The following ZNF292 variants were observed in gnomAD, a reference collection of about 807,000 sequenced individuals.
ZNF292 encodes zinc finger protein 292, also known as 16 zinc-finger domain protein.
ZNF292 carries 26 observed loss-of-function variants against 217.9 expected under a neutral mutation model. The observed-to-expected ratio is 0.12, with a 90% confidence interval of 0.09 to 0.17. The LOEUF is 0.17. Among genes scored for constraint, ZNF292 ranks in the 10% least tolerant of loss-of-function variants. The probability of loss-of-function intolerance (pLI) is 1.00; values close to 1 mark genes in which losing one functional copy is unlikely to be tolerated. For missense variants in ZNF292, 2,904 were observed against 3,175.2 expected, an observed-to-expected ratio of 0.91 and a Z score of 2.05; for synonymous variants, 1,257 against 1,124.1, an observed-to-expected ratio of 1.12 and a Z score of -2.37.
chr6:87,233,639 C>G, intron 5 of ZNF292, 112 bp downstream of exon 5: 1 of 1,469,556 alleles, frequency 6.8e-7, no homozygotes, highest in Non-Finnish European at 9.0e-7. Flanking sequence ...CATTGTCAAT[C>G]TTACATTTTT....
At chr6:87,246,114 C>G (rs909152497) in intron 7 of ZNF292, among the ~76,000 whole-genome samples, 4 of 152,076 alleles carry the variant, frequency 2.6e-5, no homozygotes, top group Non-Finnish European at 5.9e-5. Flanking sequence ...ACCTGTAATC[C>G]CAGCTACTCA....
chr6:87,209,369 G>T (rs1030170279), intron 1 of ZNF292, among the ~76,000 whole-genome samples: 1 of 152,148 alleles, frequency 6.6e-6, no homozygotes, highest in African/African-American at 2.4e-5. Flanking sequence ...TTTCAGTGAG[G>T]TTTGGGGAGA....
chr6:87,224,559 C>T (rs1397253112), intron 4 of ZNF292, among the ~76,000 whole-genome samples: 1 of 152,066 alleles, frequency 6.6e-6, no homozygotes, highest in East Asian at 1.9e-4. Context: ...TTCAGAATGT[C>T]ACGTAATTAA....
At chr6:87,172,046 ATG>A (rs1468051203) in intron 1 of ZNF292, among the ~76,000 whole-genome samples, 5 of 152,218 alleles carry the variant, frequency 3.3e-5, no homozygotes, top group African/African-American at 1.2e-4. Context: ...GTAACTGTGA[ATG>A]GGCAATCTCT....
chr6:87,174,499 G>A (rs539972984), intron 1 of ZNF292, among the ~76,000 whole-genome samples: 23 of 152,164 alleles, frequency 1.5e-4, no homozygotes, highest in Non-Finnish European at 3.4e-4. Flanking sequence ...GTTGGCAGGG[G>A]TCATGAGGGG....
chr6:87,263,007 AG>A lies in ZNF292; in HGVS notation c.*1207del. On this transcript the variant is annotated 3_prime_UTR_variant, in exon 8 of 8. Coordinates refer to ENST00000369577, the MANE Select transcript of ZNF292 (RefSeq NM_015021.3). ...TTTGATTTTACTGTTTATAGATGTT[AG>A]ATTGTACAGATTTGTCTGTATTTCT... is the stretch of plus-strand genomic sequence containing the variant. 6.6e-6 allele frequency: 1 copy of A among 152,186 alleles called. No individual in the cohort carries two copies. The highest frequency in any genetic ancestry group is 1.9e-4 in the East Asian group (1 of 5,188). 9.4% of individuals were successfully genotyped at this position (152,186 alleles called of 1,614,324 possible).
chr6:87,242,058 G>A (rs1774317633), intron 5 of ZNF292, among the ~76,000 whole-genome samples: 1 of 152,188 alleles, frequency 6.6e-6, no homozygotes, highest in Admixed American at 6.5e-5. Context: ...TACCTAGTGG[G>A]AAAGTTACGA....
At chr6:87,252,103 A>T (rs1190024828) in intron 7 of ZNF292, among the ~76,000 whole-genome samples, 1 of 152,020 alleles carries the variant, frequency 6.6e-6, no homozygotes, top group African/African-American at 2.4e-5. Flanking sequence ...TTCATCCAGA[A>T]ATCCTTCATT....
At chr6:87,182,262 G>A (rs1052254800) in intron 1 of ZNF292, among the ~76,000 whole-genome samples, 2 of 152,312 alleles carry the variant, frequency 1.3e-5, no homozygotes, top group East Asian at 3.9e-4. Flanking sequence ...GAATAATTGT[G>A]TAAGTGTGTT....
intron 6 of ZNF292, 39 bp from the exon 7 acceptor site, chr6:87,245,464 C>T (rs1397072117): frequency 1.4e-6 from 2 of 1,422,818 alleles, no homozygotes; most frequent in Admixed American, 3.0e-5. Flanking sequence ...TATTACCTTA[C>T]TGCTCCAACT....
chr6:87,176,208 C>T (rs941596423), intron 1 of ZNF292, among the ~76,000 whole-genome samples: 8 of 152,154 alleles, frequency 5.3e-5, no homozygotes, highest in Non-Finnish European at 1.2e-4. Flanking sequence ...AAAAGTTTCA[C>T]ATGACATGAA....
intron 1 of ZNF292, among the ~76,000 whole-genome samples, chr6:87,180,316 G>C (rs774167673): frequency 6.6e-6 from 1 of 152,262 alleles, no homozygotes; most frequent in Non-Finnish European, 1.5e-5. Flanking sequence ...AGTGCTGGAA[G>C]GACAGTGCAC....
intron 1 of ZNF292, among the ~76,000 whole-genome samples, chr6:87,159,731 G>A (rs1770667297): frequency 6.6e-6 from 1 of 151,580 alleles, no homozygotes; most frequent in Non-Finnish European, 1.5e-5. Context: ...CGCCCCTCTT[G>A]GCCTCCCAAA....
At chr6:87,245,680 T>G in intron 7 of ZNF292, 36 bp downstream of exon 7, 1 of 1,293,802 alleles carries the variant, frequency 7.7e-7, no homozygotes, top group Non-Finnish European at 1.1e-6. Context: ...GGTTAAAATG[T>G]GTACATTATC....
chr6:87,247,913 A>T (rs1774686634), intron 7 of ZNF292, among the ~76,000 whole-genome samples: 2 of 152,224 alleles, frequency 1.3e-5, no homozygotes, highest in African/African-American at 4.8e-5. Context: ...TCGAAATGAA[A>T]ATTTTAGCAG....
At position 87,211,108 on chromosome 6, in the gene ZNF292, A is replaced by C. The variant is rs192235784; in HGVS notation, c.169-4795A>C. On this transcript the variant is annotated intron_variant, in intron 1 of 7. Coordinates refer to ENST00000369577, the MANE Select transcript of ZNF292 (RefSeq NM_015021.3). Reference sequence around the variant, plus strand: ...TTCTGGTATGGTGGAGTGTGTCTTTAATATATGACTCCTTTCAGTATCCTC... The same window carrying C: ...TTCTGGTATGGTGGAGTGTGTCTTTCATATATGACTCCTTTCAGTATCCTC... Among the ~76,000 whole-genome samples, 102 of 152,336 alleles carry C rather than the reference A, an allele frequency of 6.7e-4. No individual in the cohort carries two copies. The South Asian group carries it at 0.012, about 18-fold the overall frequency.
chr6:87,193,357 G>A (rs1476448142), intron 1 of ZNF292, among the ~76,000 whole-genome samples: 2 of 151,906 alleles, frequency 1.3e-5, no homozygotes, highest in East Asian at 3.9e-4. Context: ...CCAGCCTGGG[G>A]AATATGACGA....
At chr6:87,198,465 A>G (rs550385018) in intron 1 of ZNF292, among the ~76,000 whole-genome samples, 63 of 152,300 alleles carry the variant, frequency 4.1e-4, no homozygotes, top group Non-Finnish European at 3.8e-4. Flanking sequence ...GGGCCTCCCA[A>G]AGTGCTGGGA....
chr6:87,209,164 T>TA (rs1240889530), intron 1 of ZNF292, among the ~76,000 whole-genome samples: 1 of 150,826 alleles, frequency 6.6e-6, no homozygotes, highest in Non-Finnish European at 1.5e-5. Context: ...CCTTTGGTGA[T>TA]TATGCAGAGT....
Sources: allele counts gnomAD v4.1 joint callset (sites outside exome capture counted in the v4.1 genomes callset), GRCh38; gene constraint gnomAD v4.1.1; transcripts MANE v1.5; gene names NCBI Gene and HGNC (gene_info 2026-07-23, HGNC 2026-07-21).